ARHGAP42: variants seen among roughly 807,000 people sequenced by gnomAD.
ARHGAP42 encodes rho GTPase-activating protein 42.
A neutral mutation model predicts 125.0 loss-of-function variants in ARHGAP42; 63 were observed. That is an observed-to-expected ratio of 0.50 (90% CI 0.41 to 0.62). The LOEUF (loss-of-function observed/expected upper bound fraction) is 0.62, where lower values mean the gene tolerates loss of function less well. ARHGAP42 is among the 20% of genes least tolerant of loss of function. The pLI is 0.00. For synonymous variants in ARHGAP42, 339 were observed against 351.0 expected (o/e 0.97, Z 0.38); for missense variants, 766 against 1,024.2 (o/e 0.75, Z 3.44).
intron 3 of ARHGAP42, among the ~76,000 whole-genome samples, chr11:100,798,927 G>C (rs1023680288): frequency 2.0e-5 from 3 of 152,192 alleles, no homozygotes; most frequent in Non-Finnish European, 2.9e-5. Flanking sequence ...GCTGGGGAAG[G>C]ATCACACAAG....
intron 2 of ARHGAP42, among the ~76,000 whole-genome samples, chr11:100,794,897 A>G (rs1486237715): frequency 2.0e-5 from 3 of 152,168 alleles, no homozygotes; most frequent in African/African-American, 7.2e-5. Flanking sequence ...TCTCTGATCC[A>G]TAGCTGTTAG....
intron 3 of ARHGAP42, among the ~76,000 whole-genome samples, chr11:100,843,847 C>T (rs919941865): frequency 2.6e-5 from 4 of 152,076 alleles, no homozygotes; most frequent in African/African-American, 9.7e-5. Flanking sequence ...TGGATAGAAT[C>T]AATGTTGTGA....
At position 100,940,099 on chromosome 11, in the gene ARHGAP42, A is replaced by G. The variant is rs1867837183; in HGVS notation, c.833-1685A>G. ...TGAAATGGTCCCCAAATGGAATTGCAGTTAATTGTAATAATCTTTTGTGAT... is the reference window on the plus strand; with the variant it reads ...TGAAATGGTCCCCAAATGGAATTGCGGTTAATTGTAATAATCTTTTGTGAT... On this transcript the variant is annotated intron_variant, in intron 8 of 23. Coordinates refer to ENST00000298815, the MANE Select transcript of ARHGAP42 (RefSeq NM_152432.4). Among the ~76,000 whole-genome samples the G allele has an allele frequency of 2.0e-5, 3 of 152,150 alleles. No individual in the cohort carries two copies. In the South Asian group the frequency reaches 6.2e-4, roughly 31 times the overall value.
chr11:100,851,724 C>G (rs568599769), intron 3 of ARHGAP42, among the ~76,000 whole-genome samples: 3 of 152,296 alleles, frequency 2.0e-5, no homozygotes, highest in South Asian at 4.1e-4. Context: ...AATCGCCTAA[C>G]GATCCATTTC....
intron 1 of ARHGAP42, among the ~76,000 whole-genome samples, chr11:100,713,236 A>G (rs1861595052): frequency 6.6e-6 from 1 of 152,246 alleles, no homozygotes; most frequent in Non-Finnish European, 1.5e-5. Flanking sequence ...ACTATTAGAA[A>G]CAAATCTCAT....
chr11:100,852,193 A>G (rs923384777), intron 3 of ARHGAP42, among the ~76,000 whole-genome samples: 4 of 152,120 alleles, frequency 2.6e-5, no homozygotes, highest in African/African-American at 9.7e-5. Context: ...ACAATAAGTA[A>G]TTTAAGAAAT....
At chr11:100,939,053 C>T (rs1028875438) in intron 8 of ARHGAP42, among the ~76,000 whole-genome samples, 7 of 152,156 alleles carry the variant, frequency 4.6e-5, no homozygotes, top group Non-Finnish European at 1.0e-4. Context: ...GTAGGCTTAG[C>T]TCATTGTTTG....
chr11:100,756,091 A>G (rs906104993), intron 1 of ARHGAP42, among the ~76,000 whole-genome samples: 2 of 152,072 alleles, frequency 1.3e-5, no homozygotes, highest in African/African-American at 4.8e-5. Flanking sequence ...AGGTCTTACA[A>G]TATATCGTCT....
chr11:100,826,509 G>C (rs1214638817), intron 3 of ARHGAP42, among the ~76,000 whole-genome samples: 6 of 152,070 alleles, frequency 3.9e-5, no homozygotes, highest in African/African-American at 1.2e-4. Flanking sequence ...GGTAATTTGT[G>C]TTCTTCTCTC....
intron 3 of ARHGAP42, among the ~76,000 whole-genome samples, chr11:100,803,228 T>C (rs670221): frequency 6.8e-6 from 1 of 147,392 alleles, no homozygotes; most frequent in Non-Finnish European, 1.5e-5. Flanking sequence ...AAAAAAAAAT[T>C]GGATAGATTT....
chr11:100,809,493 A>G, intron 3 of ARHGAP42, among the ~76,000 whole-genome samples: 1 of 152,270 alleles, frequency 6.6e-6, no homozygotes, highest in South Asian at 2.1e-4. Flanking sequence ...TCATTTGAAC[A>G]GAATACTATG....
At chr11:100,798,499 T>C (rs1863775188) in intron 3 of ARHGAP42, among the ~76,000 whole-genome samples, 1 of 152,184 alleles carries the variant, frequency 6.6e-6, no homozygotes. Context: ...CTCAGACGAT[T>C]GTTAGCATTT....
In ARHGAP42 at chr11:100,987,600, T is replaced by C; in HGVS notation, c.2536+8T>C. 1 of 1,550,106 alleles carries C rather than the reference T, an allele frequency of 6.5e-7. No homozygotes were observed. The highest frequency in any genetic ancestry group is 8.7e-7 in the Non-Finnish European group (1 of 1,145,598). On this transcript the variant is annotated splice_region_variant and intron_variant, in intron 23 of 23. Coordinates refer to ENST00000298815, the MANE Select transcript of ARHGAP42 (RefSeq NM_152432.4). ...GAGCAATATTTTCTAATGGTAAGTA[T>C]GTCAATTCCCTCTGCCTAAGTTTGT... is the stretch of plus-strand genomic sequence containing the variant.
chr11:100,954,654 T>C (rs1292767712), intron 12 of ARHGAP42, among the ~76,000 whole-genome samples: 1 of 152,140 alleles, frequency 6.6e-6, no homozygotes, highest in African/African-American at 2.4e-5. Context: ...CCTCCTTCTT[T>C]GCCATATAAT....
intron 3 of ARHGAP42, among the ~76,000 whole-genome samples, chr11:100,858,005 A>T (rs909028727): frequency 1.3e-5 from 2 of 151,918 alleles, no homozygotes; most frequent in African/African-American, 4.8e-5. Flanking sequence ...TAAAGTACTT[A>T]TGATACTGTC....
chr11:100,982,434 A>G (rs564552634), intron 22 of ARHGAP42, among the ~76,000 whole-genome samples: 1 of 152,308 alleles, frequency 6.6e-6, no homozygotes, highest in East Asian at 1.9e-4. Context: ...TATGTACATG[A>G]AAGTTTGAGA....
At chr11:100,743,379 G>C (rs1862229809) in intron 1 of ARHGAP42, among the ~76,000 whole-genome samples, 1 of 152,164 alleles carries the variant, frequency 6.6e-6, no homozygotes, top group Non-Finnish European at 1.5e-5. Context: ...GTTTAAGGAG[G>C]CTAAAGATAG....
At chr11:100,987,641 G>A in intron 23 of ARHGAP42, 49 bp downstream of exon 23, 1 of 1,487,798 alleles carries the variant, frequency 6.7e-7, no homozygotes, top group Non-Finnish European at 9.2e-7. Context: ...TGGGGAGGAT[G>A]AAGGAATAGT....
In ARHGAP42 at chr11:100,913,569, T is replaced by G. The variant is rs1866983568; in HGVS notation, c.486+16T>G. On this transcript the variant is annotated intron_variant, in intron 5 of 23. Transcript: ENST00000298815. ...TTTACAAGAGGTAAGCTTTTCCAACTGAAATAATGGAAAAGGCATTAAGTC... is the reference window on the plus strand; with the variant it reads ...TTTACAAGAGGTAAGCTTTTCCAACGGAAATAATGGAAAAGGCATTAAGTC... 1.6e-6 allele frequency: 2 copies of G among 1,239,388 alleles called. No homozygotes were observed. The highest frequency in any genetic ancestry group is 2.1e-6 in the Non-Finnish European group (2 of 945,994). The allele number at this position is 1,239,388 out of a possible 1,614,324, so 76.8% of individuals were successfully genotyped here.
Sources: gnomAD v4.1 joint callset for allele counts (sites outside exome capture counted in the v4.1 genomes callset) on GRCh38, gnomAD v4.1.1 for gene constraint, MANE v1.5 for transcripts, NCBI Gene and HGNC (gene_info 2026-07-23, HGNC 2026-07-21) for gene names.